SYT1: variants seen among roughly 807,000 people sequenced by gnomAD.
SYT1 encodes synaptotagmin 1.
A neutral mutation model predicts 44.8 loss-of-function variants in SYT1; 8 were observed. The ratio of observed to expected loss-of-function variants is 0.18; its 90% CI spans 0.10 to 0.32. The LOEUF (loss-of-function observed/expected upper bound fraction) is 0.32, where lower values mean the gene tolerates loss of function less well. SYT1 is among the 10% of genes least tolerant of loss of function. The probability of loss-of-function intolerance (pLI) is 1.00; values close to 1 mark genes in which losing one functional copy is unlikely to be tolerated. For synonymous variants in SYT1, 154 were observed against 188.8 expected (o/e 0.82, Z 1.51); for missense variants, 286 against 509.3 (o/e 0.56, Z 4.22).
intron 6 of SYT1, among the ~76,000 whole-genome samples, chr12:79,293,524 C>T (rs1205374758): frequency 6.6e-6 from 1 of 152,020 alleles, no homozygotes; most frequent in African/African-American, 2.4e-5. Context: ...AAAATAAATA[C>T]AGTTACTAGT....
chr12:79,062,675 T>A (rs11112562), intron 3 of SYT1, among the ~76,000 whole-genome samples: 9,839 of 152,254 alleles, frequency 0.065, 595 homozygotes, highest in East Asian at 0.25. Context: ...TTTTCTGATA[T>A]TTTTGAACAC....
intron 1 of SYT1, among the ~76,000 whole-genome samples, chr12:78,907,874 A>G (rs1876086136): frequency 6.6e-6 from 1 of 152,068 alleles, no homozygotes; most frequent in Non-Finnish European, 1.5e-5. Context: ...TGTACAAAGC[A>G]TTGATCTGTT....
intron 4 of SYT1, among the ~76,000 whole-genome samples, chr12:79,245,786 T>G (rs1206294165): frequency 2.0e-5 from 3 of 152,020 alleles, no homozygotes; most frequent in Non-Finnish European, 4.4e-5. Flanking sequence ...CAAATGAACA[T>G]AATACATGAT....
At chr12:79,029,358 TAAA>T (rs199597216) in intron 2 of SYT1, among the ~76,000 whole-genome samples, 22 of 133,134 alleles carry the variant, frequency 1.7e-4, no homozygotes, top group Admixed American at 3.8e-4. Flanking sequence ...TACAAATCAG[TAAA>T]AAAAAAAAAA....
chr12:79,179,156 A>C lies in SYT1; in HGVS notation c.-17-38347A>C, dbSNP rs1234286509. Among the ~76,000 whole-genome samples, 61 of 81,612 alleles carry C rather than the reference A, an allele frequency of 7.5e-4. 1 individual carries two copies. Among genetic ancestry groups the C allele is most frequent in the African/African-American group, 1.8e-3 (42 of 23,866 alleles). 53.5% of individuals were successfully genotyped at this position (81,612 alleles called of 152,430 possible). On this transcript the variant is annotated intron_variant, in intron 3 of 10. Transcript: ENST00000261205. ...TATAGATATAGATATAGATATATAG[A>C]TATATAGATATAGATATAGATATAT...
chr12:78,870,395 C>T (rs1051532410), intron 1 of SYT1, among the ~76,000 whole-genome samples: 1 of 151,940 alleles, frequency 6.6e-6, no homozygotes, highest in African/African-American at 2.4e-5. Context: ...TTTTAAAGTG[C>T]TTAGAGTTCC....
chr12:79,060,803 A>G (rs1458963727), intron 3 of SYT1, among the ~76,000 whole-genome samples: 1 of 152,134 alleles, frequency 6.6e-6, no homozygotes, highest in African/African-American at 2.4e-5. Context: ...AAATGCAATG[A>G]GTTCATGATT....
chr12:79,035,045 G>C (rs1160026063), intron 2 of SYT1, among the ~76,000 whole-genome samples: 1 of 151,512 alleles, frequency 6.6e-6, no homozygotes, highest in Non-Finnish European at 1.5e-5. Flanking sequence ...TTTCCAGCTT[G>C]GCACCTTCCC....
chr12:79,319,951 G>C (rs1182540915), intron 8 of SYT1, among the ~76,000 whole-genome samples: 1 of 152,178 alleles, frequency 6.6e-6, no homozygotes, highest in East Asian at 1.9e-4. Context: ...GATCAGTGAA[G>C]TGTGTATTTT....
chr12:79,064,990 A>AAGAAAG (rs1565789521), intron 3 of SYT1, among the ~76,000 whole-genome samples: 1 of 142,970 alleles, frequency 7.0e-6, no homozygotes, highest in African/African-American at 2.6e-5. Context: ...GAAAGAAAGA[A>AAGAAAG]AGAAAGAAAA....
At chr12:78,865,662 C>T (rs1304149002) in intron 1 of SYT1, among the ~76,000 whole-genome samples, 1 of 152,048 alleles carries the variant, frequency 6.6e-6, no homozygotes, top group East Asian at 1.9e-4. Flanking sequence ...GACAACCAGT[C>T]CAGCTTGGGC....
chr12:78,926,922 T>A (rs1877335021), intron 1 of SYT1, among the ~76,000 whole-genome samples: 1 of 152,150 alleles, frequency 6.6e-6, no homozygotes, highest in African/African-American at 2.4e-5. Context: ...TGAAGGGAAA[T>A]TTTAATTCTG....
At chr12:79,432,353 C>G (rs985876702) in intron 9 of SYT1, among the ~76,000 whole-genome samples, 10 of 151,934 alleles carry the variant, frequency 6.6e-5, no homozygotes, top group African/African-American at 2.4e-4. Context: ...CTAATGCTAT[C>G]CCTCCCCCTG....
chr12:79,086,321 A>G (rs573562448), intron 3 of SYT1, among the ~76,000 whole-genome samples: 1 of 152,036 alleles, frequency 6.6e-6, no homozygotes, highest in Non-Finnish European at 1.5e-5. Context: ...CATTTTTCCT[A>G]CTTTCCTGTC....
At chr12:79,401,658 C>T (rs535689166) in intron 9 of SYT1, among the ~76,000 whole-genome samples, 3 of 149,920 alleles carry the variant, frequency 2.0e-5, no homozygotes, top group Non-Finnish European at 4.4e-5. Flanking sequence ...TAAAACTCAA[C>T]AAAACTCAAA....
At chr12:79,317,852 C>T (rs1006804557) in intron 8 of SYT1, among the ~76,000 whole-genome samples, 2 of 152,024 alleles carry the variant, frequency 1.3e-5, no homozygotes, top group South Asian at 2.1e-4. Context: ...GACCTTAAGG[C>T]GGGAGCTTAA....
intron 9 of SYT1, among the ~76,000 whole-genome samples, chr12:79,360,520 T>C (rs942260089): frequency 3.3e-5 from 5 of 152,136 alleles, no homozygotes; most frequent in African/African-American, 4.8e-5. Context: ...AAGCCACCAG[T>C]CTGGGAGCCG....
chr12:79,161,065 T>C (rs1177521840), intron 3 of SYT1, among the ~76,000 whole-genome samples: 1 of 152,020 alleles, frequency 6.6e-6, no homozygotes, highest in East Asian at 1.9e-4. Flanking sequence ...AAAACCCATA[T>C]CTATTTTTTA....
intron 3 of SYT1, among the ~76,000 whole-genome samples, chr12:79,164,442 C>T (rs776080941): frequency 3.9e-5 from 6 of 151,972 alleles, no homozygotes; most frequent in Non-Finnish European, 7.4e-5. Context: ...TATGTGAGTA[C>T]GAATAAATAT....
Sources: gnomAD v4.1 joint callset for allele counts (sites outside exome capture counted in the v4.1 genomes callset) on GRCh38, gnomAD v4.1.1 for gene constraint, MANE v1.5 for transcripts, NCBI Gene and HGNC (gene_info 2026-07-23, HGNC 2026-07-21) for gene names.